Variants in PTK2 observed in about 807,000 individuals in gnomAD.
PTK2 encodes the protein protein tyrosine kinase 2, also known as focal adhesion kinase 1.
In PTK2, 45 loss-of-function variants were observed where a neutral mutation model predicts 150.1. That is an observed-to-expected ratio of 0.30 (90% CI 0.24 to 0.38). The LOEUF is 0.38. PTK2 is among the 10% of genes least tolerant of loss of function. PTK2 has a pLI of 1.00. For missense variants in PTK2, 919 were observed against 1,307.3 expected (o/e 0.70, Z 4.58); for synonymous variants, 432 against 449.2 (o/e 0.96, Z 0.48).
intron 14 of PTK2, among the ~76,000 whole-genome samples, chr8:140,773,854 A>G (rs1343648790): frequency 6.6e-6 from 1 of 152,226 alleles, no homozygotes; most frequent in African/African-American, 2.4e-5. Flanking sequence ...CCACTAGTCA[A>G]GAAAAAAATG....
At chr8:140,662,893 T>C in intron 31 of PTK2, 1 of 408,402 alleles carries the variant, frequency 2.4e-6, no homozygotes, top group Admixed American at 4.2e-5. Flanking sequence ...AGCCTATGTT[T>C]GTCAAAAATG....
chr8:140,783,603 T>A (rs1034164363), intron 14 of PTK2, among the ~76,000 whole-genome samples: 5 of 152,212 alleles, frequency 3.3e-5, no homozygotes, highest in African/African-American at 1.2e-4. Context: ...CACCTTATAT[T>A]TTATAGAACT....
At chr8:140,990,590 CTCATT>C (rs1264138023) in intron 1 of PTK2, among the ~76,000 whole-genome samples, 1 of 152,128 alleles carries the variant, frequency 6.6e-6, no homozygotes, top group Non-Finnish European at 1.5e-5. Flanking sequence ...TTCCCACCAT[CTCATT>C]TCTATTATTT....
At chr8:140,778,326 C>A (rs1353334562) in intron 14 of PTK2, among the ~76,000 whole-genome samples, 1 of 152,198 alleles carries the variant, frequency 6.6e-6, no homozygotes, top group Non-Finnish European at 1.5e-5. Context: ...AGCCAGGCAT[C>A]TGTAGTTCCA....
Position 140,830,105 on chromosome 8 carries a change from ACACAC to A in PTK2, c.648+362_648+366del, listed in dbSNP as rs1487922246. 3.9e-5 allele frequency among the ~76,000 whole-genome samples: 6 copies of A among 152,106 alleles called. No homozygotes were observed. In the East Asian group the frequency reaches 7.7e-4, roughly 20 times the overall value. On this transcript the variant is annotated intron_variant, in intron 8 of 31. Coordinates refer to ENST00000522684, the Ensembl canonical transcript of PTK2. The stretch of plus-strand genomic sequence containing the variant: ...CACATACACACACACACACACACAC[ACACAC>A]AATATTAATGATTCCACCACCACGA...
intron 1 of PTK2, among the ~76,000 whole-genome samples, chr8:140,931,413 C>A (rs1303708049): frequency 6.6e-6 from 1 of 151,298 alleles, no homozygotes. Flanking sequence ...AAATACCAAA[C>A]AATTAGCTGG....
intron 23 of PTK2, among the ~76,000 whole-genome samples, chr8:140,714,001 G>A (rs2100038165): frequency 6.6e-6 from 1 of 152,058 alleles, no homozygotes; most frequent in Non-Finnish European, 1.5e-5. Flanking sequence ...CGATCCTCCT[G>A]CCTCAGTCCA....
intron 1 of PTK2, among the ~76,000 whole-genome samples, chr8:140,964,418 A>ATCCAGGCT (rs2100184475): frequency 6.6e-6 from 1 of 151,722 alleles, no homozygotes; most frequent in Non-Finnish European, 1.5e-5. Flanking sequence ...TCACTCTGTC[A>ATCCAGGCT]TCCAGGCTGG....
In PTK2 at chr8:140,808,733, GTTTTT is replaced by G. The variant is rs57600032; in HGVS notation, c.868-5088_868-5084del. 1.9e-4 allele frequency among the ~76,000 whole-genome samples: 22 copies of G among 116,574 alleles called. No individual in the cohort carries two copies. The South Asian group carries it at 5.6e-3, about 30-fold the overall frequency. 76.5% of individuals were successfully genotyped at this position (116,574 alleles called of 152,430 possible). On this transcript the variant is annotated intron_variant, in intron 10 of 31. Coordinates refer to ENST00000522684, the Ensembl canonical transcript of PTK2. ...AAATAAAAATAAAATTTTTGTTCTT[GTTTTT>G]TTTTTTTTTTTTTTTGAGATGGAGT...
intron 20 of PTK2, among the ~76,000 whole-genome samples, chr8:140,741,397 G>A (rs2154438104): frequency 6.6e-6 from 1 of 151,848 alleles, no homozygotes; most frequent in Non-Finnish European, 1.5e-5. Flanking sequence ...GGAGCTTGCA[G>A]TGAGCCCAGA....
At chr8:140,792,087 T>C (rs1002939095) in intron 13 of PTK2, among the ~76,000 whole-genome samples, 1 of 152,186 alleles carries the variant, frequency 6.6e-6, no homozygotes, top group Non-Finnish European at 1.5e-5. Flanking sequence ...AAAGAGTTAA[T>C]GTAGCAGGCC....
chr8:140,790,031 T>C lies in PTK2; in HGVS notation c.1125-505A>G, dbSNP rs911771847. Among the ~76,000 whole-genome samples, 3 of 152,224 alleles carry C rather than the reference T, an allele frequency of 2.0e-5. No homozygotes were observed. In the South Asian group the frequency reaches 6.2e-4, roughly 32 times the overall value. ...TACATACTTAAAAAAGTAATCTCAA[T>C]GTATCTTGCTACTTGCTTCATGACA... On this transcript the variant is annotated intron_variant, in intron 13 of 31. Transcript: ENST00000522684.
intron 10 of PTK2, among the ~76,000 whole-genome samples, chr8:140,807,985 A>C (rs2100099100): frequency 6.6e-6 from 1 of 152,170 alleles, no homozygotes; most frequent in African/African-American, 2.4e-5. Context: ...TAGGCAGGAA[A>C]GGCCTGGTTG....
At chr8:140,719,722 A>G (rs2100041719) in intron 22 of PTK2, among the ~76,000 whole-genome samples, 1 of 151,928 alleles carries the variant, frequency 6.6e-6, no homozygotes, top group South Asian at 2.1e-4. Context: ...CAGAAAAGAA[A>G]ACTCAAAACC....
At chr8:140,959,470 C>T (rs1381155590) in intron 1 of PTK2, among the ~76,000 whole-genome samples, 8 of 144,638 alleles carry the variant, frequency 5.5e-5, no homozygotes, top group East Asian at 2.0e-4. Flanking sequence ...ACCCAGGAGG[C>T]GGAGCTTGCA....
At position 140,731,875 on chromosome 8, in the gene PTK2, C is replaced by A. The variant is rs1257139140; in HGVS notation, c.2030+3376G>T. On this transcript the variant is annotated intron_variant, in intron 22 of 31. Coordinates refer to ENST00000522684, the Ensembl canonical transcript of PTK2. ...CAGAGATGGTGCCACCGCACTCTAG[C>A]CTGGGCAACAGAGGAGACCCCGCCT... 2.0e-5 allele frequency among the ~76,000 whole-genome samples: 3 copies of A among 152,164 alleles called. No individual in the cohort carries two copies. In the East Asian group the frequency reaches 5.8e-4, roughly 29 times the overall value.
chr8:140,846,566 A>G (rs781401429), intron 6 of PTK2, 33 bp downstream of exon 6: 1 of 1,489,346 alleles, frequency 6.7e-7, no homozygotes, highest in South Asian at 1.2e-5. Context: ...AAAATTGATA[A>G]ATAAAGGCCG....
chr8:140,927,975 A>AAAAAAAAAAAAAAAAAAATATATATAT, intron 1 of PTK2, among the ~76,000 whole-genome samples: 2 of 48,194 alleles, frequency 4.1e-5, no homozygotes, highest in Non-Finnish European at 6.8e-5. Context: ...AAAAAAAAAA[A>AAAAAAAAAAAAAAAAAAATATATATAT]ATATATATAT....
chr8:140,829,678 T>G (rs1050632857), intron 8 of PTK2, among the ~76,000 whole-genome samples: 1 of 152,160 alleles, frequency 6.6e-6, no homozygotes, highest in Admixed American at 6.6e-5. Flanking sequence ...GTAAGAGCAG[T>G]AACATCCACT....
Sources: gnomAD v4.1 joint callset for allele counts (sites outside exome capture counted in the v4.1 genomes callset) on GRCh38, gnomAD v4.1.1 for gene constraint, MANE v1.5 for transcripts, NCBI Gene and HGNC (gene_info 2026-07-23, HGNC 2026-07-21) for gene names.